The following DCLK1 variants were observed in gnomAD, a reference collection of about 807,000 sequenced individuals.
DCLK1 encodes doublecortin like kinase 1, also known as serine/threonine-protein kinase DCLK1.
Under a neutral mutation model 86.2 loss-of-function variants are expected in DCLK1, and 16 were observed. That is an observed-to-expected ratio of 0.19 (90% confidence interval 0.13 to 0.28). The LOEUF is 0.28. Among genes scored for constraint, DCLK1 ranks in the 10% least tolerant of loss-of-function variants. The probability of loss-of-function intolerance (pLI) is 1.00; values close to 1 mark genes in which losing one functional copy is unlikely to be tolerated. For synonymous variants in DCLK1, 369 were observed against 370.5 expected, an observed-to-expected ratio of 1.00 and a Z score of 0.05; for missense variants, 590 against 940.2, an observed-to-expected ratio of 0.63 and a Z score of 4.87.
intron 3 of DCLK1, among the ~76,000 whole-genome samples, chr13:35,949,923 T>C (rs1593760367): frequency 1.3e-5 from 2 of 149,498 alleles, no homozygotes; most frequent in Admixed American, 6.9e-5. Context: ...AATGCAATGA[T>C]TGTTAGAGAA....
intron 6 of DCLK1, chr13:35,850,448 A>G: frequency 9.0e-7 from 1 of 1,112,466 alleles, no homozygotes. Context: ...TATGAAATTC[A>G]TCTAGAGCCA....
intron 4 of DCLK1, among the ~76,000 whole-genome samples, chr13:35,898,767 G>A (rs1298801653): frequency 6.6e-6 from 1 of 151,956 alleles, no homozygotes; most frequent in East Asian, 1.9e-4. Context: ...TTTGAGACAG[G>A]GTCCTGCTCT....
At chr13:36,067,273 T>C (rs988429059) in intron 3 of DCLK1, among the ~76,000 whole-genome samples, 6 of 145,260 alleles carry the variant, frequency 4.1e-5, no homozygotes, top group Admixed American at 2.1e-4. Context: ...ATGGATGAAA[T>C]TGGAAATCAT....
At chr13:35,875,744 A>C (rs747490641) in intron 4 of DCLK1, among the ~76,000 whole-genome samples, 2 of 152,136 alleles carry the variant, frequency 1.3e-5, no homozygotes, top group African/African-American at 2.4e-5. Context: ...TTGGATACTA[A>C]CTAGTCCCTG....
chr13:35,972,501 T>C (rs1879119413), intron 3 of DCLK1, among the ~76,000 whole-genome samples: 1 of 152,108 alleles, frequency 6.6e-6, no homozygotes, highest in African/African-American at 2.4e-5. Context: ...ATGATAAATA[T>C]TTAAGATGGG....
chr13:35,975,942 T>C lies in DCLK1; in HGVS notation c.724-28485A>G, dbSNP rs985803144. Among the ~76,000 whole-genome samples the C allele has an allele frequency of 8.5e-5, 13 of 152,166 alleles. No individual in the cohort carries two copies. The East Asian group carries it at 2.1e-3, about 25-fold the overall frequency. On this transcript the variant is annotated intron_variant, in intron 3 of 16. Coordinates refer to ENST00000360631, the MANE Select transcript of DCLK1 (RefSeq NM_001330071.2). The stretch of plus-strand genomic sequence containing the variant: ...AAAGCCAAAGCAAGCCTCCCTGTAA[T>C]GTGTCAGGGGACCACATCCTCCGAC...
chr13:35,945,834 T>C (rs1237545867), intron 4 of DCLK1, among the ~76,000 whole-genome samples: 2 of 152,178 alleles, frequency 1.3e-5, no homozygotes, highest in East Asian at 3.8e-4. Context: ...GAAATAAAGA[T>C]GGAATGTATT....
intron 4 of DCLK1, among the ~76,000 whole-genome samples, chr13:35,894,621 C>T (rs1014135056): frequency 1.3e-5 from 2 of 152,150 alleles, no homozygotes; most frequent in African/African-American, 2.4e-5. Flanking sequence ...CAGAGGTGCC[C>T]AGGGAAGACA....
chr13:35,853,549 G>C (rs1870814642), intron 6 of DCLK1, among the ~76,000 whole-genome samples: 1 of 152,202 alleles, frequency 6.6e-6, no homozygotes, highest in Non-Finnish European at 1.5e-5. Flanking sequence ...ATCTTGAAGA[G>C]AGGGCCTTCC....
In DCLK1 at chr13:35,808,329, G is replaced by A. The variant is rs2087071814; in HGVS notation, c.1767-9C>T. 6.2e-7 allele frequency: 1 copy of A among 1,613,146 alleles called. No homozygotes were observed. The highest frequency in any genetic ancestry group is 8.5e-7 in the Non-Finnish European group (1 of 1,179,182). On this transcript the variant is annotated splice_polypyrimidine_tract_variant and intron_variant, in intron 13 of 16. Transcript: ENST00000360631. ...CCTGGTCATCACCACTTCTGTTTAG[G>A]TGAACGACAACAAGGAAAAACAGCA...
At chr13:36,070,632 T>C (rs950906757) in intron 3 of DCLK1, among the ~76,000 whole-genome samples, 1 of 122,702 alleles carries the variant, frequency 8.1e-6, no homozygotes, top group African/African-American at 3.2e-5. Flanking sequence ...CTTTATTTAT[T>C]TTTTTAACTT....
At chr13:35,996,708 T>G (rs1180729963) in intron 3 of DCLK1, among the ~76,000 whole-genome samples, 1 of 130,406 alleles carries the variant, frequency 7.7e-6, no homozygotes, top group Non-Finnish European at 1.8e-5. Flanking sequence ...TCTTTCCATA[T>G]ATATATATAC....
intron 1 of DCLK1, among the ~76,000 whole-genome samples, chr13:36,130,321 G>C (rs1262228132): frequency 6.6e-6 from 1 of 152,140 alleles, no homozygotes; most frequent in Admixed American, 6.6e-5. Context: ...TGTGTGCACC[G>C]TGCCTGGACA....
chr13:36,089,072 C>A (rs1049820932), intron 3 of DCLK1, among the ~76,000 whole-genome samples: 1 of 152,120 alleles, frequency 6.6e-6, no homozygotes, highest in African/African-American at 2.4e-5. Flanking sequence ...GGTGCAATTT[C>A]TATATTCAAG....
intron 3 of DCLK1, among the ~76,000 whole-genome samples, chr13:36,090,500 G>A (rs1272064132): frequency 6.6e-6 from 1 of 152,078 alleles, no homozygotes; most frequent in East Asian, 1.9e-4. Flanking sequence ...GGGAGAAGAG[G>A]CCAATATCTC....
At chr13:35,825,371 G>A (rs1395525123) in intron 10 of DCLK1, among the ~76,000 whole-genome samples, 1 of 152,118 alleles carries the variant, frequency 6.6e-6, no homozygotes, top group African/African-American at 2.4e-5. Context: ...GGGTCCCAGC[G>A]CTGGGCTACA....
intron 16 of DCLK1, among the ~76,000 whole-genome samples, chr13:35,783,345 G>A (rs924136155): frequency 2.6e-5 from 4 of 152,014 alleles, no homozygotes; most frequent in Admixed American, 6.6e-5. Context: ...TCTTTGGGCT[G>A]GGGTGTGTGA....
At chr13:35,866,940 TGGAGGGGCCCTGAG>T (rs1197564424) in intron 5 of DCLK1, among the ~76,000 whole-genome samples, 1 of 152,148 alleles carries the variant, frequency 6.6e-6, no homozygotes, top group Non-Finnish European at 1.5e-5. Flanking sequence ...GCCAGAGCAG[TGGAGGGGCCCTGAG>T]AGAGGGGTTT....
At chr13:35,816,542 T>C (rs1372230911) in intron 11 of DCLK1, among the ~76,000 whole-genome samples, 1 of 152,192 alleles carries the variant, frequency 6.6e-6, no homozygotes, top group African/African-American at 2.4e-5. Flanking sequence ...TTCATGTGCA[T>C]TTTGGCCCAT....
Sources: allele counts gnomAD v4.1 joint callset (sites outside exome capture counted in the v4.1 genomes callset), GRCh38; gene constraint gnomAD v4.1.1; transcripts MANE v1.5; gene names NCBI Gene and HGNC (gene_info 2026-07-23, HGNC 2026-07-21).